DLEC1: variants seen among roughly 807,000 people sequenced by gnomAD.
DLEC1 encodes the protein DLEC1 cilia and flagella associated protein.
In DLEC1, 146 loss-of-function variants were observed where a neutral mutation model predicts 198.1. The ratio of observed to expected loss-of-function variants is 0.74; its 90% CI spans 0.64 to 0.85. The LOEUF is 0.85. Among genes scored for constraint, DLEC1 ranks in the 40% least tolerant of loss-of-function variants. The pLI, the probability that DLEC1 is intolerant of heterozygous loss-of-function variation, is 0.00. For synonymous variants in DLEC1, 897 were observed against 866.8 expected (o/e 1.03, Z -0.61); for missense variants, 2,233 against 2,220.0 (o/e 1.01, Z -0.12).
At position 38,096,693 on chromosome 3, in the gene DLEC1, C is replaced by T; in HGVS notation, c.2296C>T (p.Pro766Ser). The T allele has an allele frequency of 3.1e-6, 5 of 1,612,864 alleles. No homozygotes were observed. The highest frequency in any genetic ancestry group is 3.4e-6 in the Non-Finnish European group (4 of 1,179,760). The change falls in exon 15 of 37, where the codon CCA (proline) becomes TCA (serine). Residue 766 changes from proline to serine, a missense_variant. Coordinates refer to ENST00000308059, the MANE Select transcript of DLEC1 (RefSeq NM_007335.4). The part of the protein sequence containing the change: ...VLLEPYALII[P>S]GENYIGINVK... ...CTTAGAGCCATATGCCCTCATCATC[C>T]CAGGGGAGAACTACATTGGGATAAA...
At chr3:38,066,207 CTTAATAG>C (rs1378707659) in intron 6 of DLEC1, among the ~76,000 whole-genome samples, 1 of 152,198 alleles carries the variant, frequency 6.6e-6, no homozygotes, top group African/African-American at 2.4e-5. Flanking sequence ...CAAACTTTCA[CTTAATAG>C]TTAACAGCCT....
intron 3 of DLEC1, among the ~76,000 whole-genome samples, chr3:38,061,672 G>C (rs143086266): frequency 6.6e-6 from 1 of 150,562 alleles, no homozygotes; most frequent in Non-Finnish European, 1.5e-5. Flanking sequence ...GTTGTTGTTT[G>C]TTTGTTTGTT....
intron 19 of DLEC1, among the ~76,000 whole-genome samples, chr3:38,106,388 A>G (rs1215525483): frequency 6.6e-6 from 1 of 152,290 alleles, no homozygotes; most frequent in Admixed American, 6.5e-5. Context: ...GCATGCTGGC[A>G]TTTTTGGGGA....
intron 12 of DLEC1, among the ~76,000 whole-genome samples, 180 bp downstream of exon 12, chr3:38,093,947 C>G (rs1408101234): frequency 6.6e-6 from 1 of 152,196 alleles, no homozygotes; most frequent in Non-Finnish European, 1.5e-5. Context: ...AGTAGCCACT[C>G]TTGGCTACTT....
At chr3:38,088,252 T>C in intron 9 of DLEC1, 44 bp from the exon 10 acceptor site, 1 of 1,544,808 alleles carries the variant, frequency 6.5e-7, no homozygotes, top group Non-Finnish European at 8.9e-7. Context: ...ATACTGGCTT[T>C]TACAATGTCT....
chr3:38,084,103 A>T (rs1201820387), intron 6 of DLEC1, 55 bp from the exon 7 acceptor site: 6 of 1,521,968 alleles, frequency 3.9e-6, no homozygotes, highest in Non-Finnish European at 3.6e-6. Flanking sequence ...TGGACATCGT[A>T]TCATTTCGTC....
chr3:38,078,168 G>A (rs924496989), intron 6 of DLEC1, among the ~76,000 whole-genome samples: 1 of 152,152 alleles, frequency 6.6e-6, no homozygotes, highest in Non-Finnish European at 1.5e-5. Context: ...ATTGAGGTCC[G>A]GGCCAGGAAC....
intron 1 of DLEC1, among the ~76,000 whole-genome samples, chr3:38,044,335 G>T (rs1700788736): frequency 6.6e-6 from 1 of 152,128 alleles, no homozygotes; most frequent in Non-Finnish European, 1.5e-5. Flanking sequence ...GAGGTGAGTA[G>T]ATCATCTGAG....
rs779923551 is a variant in DLEC1, at chr3:38,097,234, ACTGC to A, written c.2395_2398del (p.Cys799ThrfsTer12). 10 of 1,587,938 alleles carry A rather than the reference ACTGC, an allele frequency of 6.3e-6. No individual in the cohort carries two copies. Among genetic ancestry groups the A allele is most frequent in the Non-Finnish European group, 7.7e-6 (9 of 1,165,918 alleles). On this transcript the variant is annotated frameshift_variant, in exon 16 of 37. Transcript: ENST00000308059. LOFTEE classifies it high-confidence loss of function. ...AGATACCTGTGGGGGAAGATCAGCG[ACTGC>A]CACATCATTGAAGTGGAGCCCGGCA...
In DLEC1 at chr3:38,123,379, T is replaced by G. The variant is rs944339261; in HGVS notation, c.*967T>G. On this transcript the variant is annotated 3_prime_UTR_variant, in exon 37 of 37. Transcript: ENST00000308059. The stretch of plus-strand genomic sequence containing the variant: ...ACATCCTAAGTTCAGGGTGTTTCTG[T>G]GTGCATGTTCCCCTCCCCAGGGATC... The G allele has an allele frequency of 1.5e-5, 7 of 482,574 alleles. No homozygotes were observed. Among genetic ancestry groups the G allele is most frequent in the South Asian group, 1.4e-4 (5 of 35,686 alleles). 29.9% of individuals were successfully genotyped at this position (482,574 alleles called of 1,614,324 possible).
chr3:38,091,120 A>C (rs957051833), intron 10 of DLEC1, among the ~76,000 whole-genome samples: 28 of 152,212 alleles, frequency 1.8e-4, no homozygotes, highest in Non-Finnish European at 1.5e-5. Flanking sequence ...AATGGTGGAA[A>C]TCTGTATGAC....
intron 6 of DLEC1, among the ~76,000 whole-genome samples, chr3:38,081,904 C>G (rs1402169753): frequency 4.1e-5 from 6 of 147,646 alleles, no homozygotes; most frequent in South Asian, 2.1e-4. Flanking sequence ...GACCCCCCCC[C>G]ACCTCCCTCC....
chr3:38,114,738 G>T (rs1700060724), intron 26 of DLEC1, among the ~76,000 whole-genome samples: 1 of 152,200 alleles, frequency 6.6e-6, no homozygotes, highest in Admixed American at 6.5e-5. Flanking sequence ...TGGCACAGTT[G>T]AACTGGAATC....
intron 3 of DLEC1, 39 bp from the exon 4 acceptor site, chr3:38,062,130 C>G (rs1290746132): frequency 1.2e-6 from 2 of 1,610,498 alleles, no homozygotes; most frequent in Admixed American, 1.7e-5. Flanking sequence ...ACCTCCTCAC[C>G]TTGTTGCAGT....
At chr3:38,109,702 G>T in intron 22 of DLEC1, 140 bp downstream of exon 22, 1 of 1,392,146 alleles carries the variant, frequency 7.2e-7, no homozygotes. Context: ...TGTTATTGCG[G>T]CCACTCACCA....
chr3:38,099,830 G>C (rs886876706), intron 18 of DLEC1, among the ~76,000 whole-genome samples: 1 of 151,906 alleles, frequency 6.6e-6, no homozygotes, highest in Admixed American at 6.6e-5. Flanking sequence ...GGGACAGAAG[G>C]AAGGGGTGGG....
At chr3:38,061,791 C>G (rs1305191315) in intron 3 of DLEC1, among the ~76,000 whole-genome samples, 2 of 152,162 alleles carry the variant, frequency 1.3e-5, no homozygotes, top group East Asian at 3.8e-4. Flanking sequence ...ACTCAGCCTC[C>G]TGAGCATCTG....
At chr3:38,054,267 G>A (rs887496170) in intron 2 of DLEC1, among the ~76,000 whole-genome samples, 4 of 152,192 alleles carry the variant, frequency 2.6e-5, no homozygotes, top group African/African-American at 9.7e-5. Flanking sequence ...AGTTTGTGTT[G>A]GTGGCAGCTG....
chr3:38,048,254 A>G (rs755633091), intron 2 of DLEC1, among the ~76,000 whole-genome samples: 3 of 152,196 alleles, frequency 2.0e-5, no homozygotes, highest in Non-Finnish European at 4.4e-5. Flanking sequence ...AGAAACGCTG[A>G]TTCCTTTTAT....
Sources: allele counts gnomAD v4.1 joint callset (sites outside exome capture counted in the v4.1 genomes callset), GRCh38; gene constraint gnomAD v4.1.1; transcripts MANE v1.5; gene names NCBI Gene and HGNC (gene_info 2026-07-23, HGNC 2026-07-21).